DGCR2: variants seen among roughly 807,000 people sequenced by gnomAD.
DGCR2 encodes integral membrane protein DGCR2/IDD.
A neutral mutation model predicts 51.6 loss-of-function variants in DGCR2; 24 were observed. That is an observed-to-expected ratio of 0.47 (90% CI 0.34 to 0.65). The LOEUF (loss-of-function observed/expected upper bound fraction) is 0.65, where lower values mean the gene tolerates loss of function less well. Among genes scored for constraint, DGCR2 ranks in the 30% least tolerant of loss-of-function variants. The pLI is 0.01. For synonymous variants in DGCR2, 340 were observed against 315.4 expected, an observed-to-expected ratio of 1.08 and a Z score of -0.82; for missense variants, 765 against 772.1, an observed-to-expected ratio of 0.99 and a Z score of 0.11.
At chr22:19,116,250 C>T (rs2083372016) in intron 1 of DGCR2, among the ~76,000 whole-genome samples, 2 of 152,232 alleles carry the variant, frequency 1.3e-5, no homozygotes, top group South Asian at 4.1e-4. Flanking sequence ...GCTTCCCCAT[C>T]TCCCAGGAGG....
At position 19,112,734 on chromosome 22, in the gene DGCR2, C is replaced by CCTCAAAACT. The variant is rs1219805994; in HGVS notation, c.79+9393_79+9394insAGTTTTGAG. Among the ~76,000 whole-genome samples, 13 of 144,220 alleles carry CCTCAAAACT rather than the reference C, an allele frequency of 9.0e-5. 3 individuals are homozygous for CCTCAAAACT. Among genetic ancestry groups the CCTCAAAACT allele is most frequent in the African/African-American group, 3.1e-4 (12 of 39,238 alleles). 94.6% of individuals were successfully genotyped at this position (144,220 alleles called of 152,430 possible). ...TTCAGGTGTGAACCACCCGGCCCTG[C>CCTCAAAACT]CTCAACACAGTTTTGAACCTAACTG... On this transcript the variant is annotated intron_variant, in intron 1 of 9. Coordinates refer to ENST00000263196, the MANE Select transcript of DGCR2 (RefSeq NM_005137.3).
intron 9 of DGCR2, among the ~76,000 whole-genome samples, chr22:19,040,613 C>A (rs2082420237): frequency 6.6e-6 from 1 of 152,244 alleles, no homozygotes; most frequent in Non-Finnish European, 1.5e-5. Context: ...CCTCCCACCT[C>A]ACAGAGCTGC....
intron 2 of DGCR2, among the ~76,000 whole-genome samples, chr22:19,084,868 A>T (rs1383079258): frequency 6.8e-6 from 1 of 146,376 alleles, no homozygotes; most frequent in Non-Finnish European, 1.5e-5. Context: ...GCCTCTGCCC[A>T]GCCGCCCCTT....
At chr22:19,054,044 G>A (rs983890205) in intron 6 of DGCR2, among the ~76,000 whole-genome samples, 1 of 152,210 alleles carries the variant, frequency 6.6e-6, no homozygotes, top group Non-Finnish European at 1.5e-5. Context: ...ATGACTAGAT[G>A]CAATGCATGA....
intron 5 of DGCR2, chr22:19,060,627 G>A (rs909463852): frequency 4.3e-6 from 1 of 233,442 alleles, no homozygotes; most frequent in Non-Finnish European, 8.8e-6. Context: ...GTGGGGCGGT[G>A]TGGATGATTC....
intron 2 of DGCR2, among the ~76,000 whole-genome samples, chr22:19,074,418 A>G (rs1286472387): frequency 2.0e-5 from 3 of 151,704 alleles, no homozygotes; most frequent in Admixed American, 6.6e-5. Context: ...AGATGAAAAA[A>G]AAAAAAAAAA....
At chr22:19,113,510 C>A (rs113917303) in intron 1 of DGCR2, among the ~76,000 whole-genome samples, 5,558 of 152,198 alleles carry the variant, frequency 0.037, 305 homozygotes, top group African/African-American at 0.13. Context: ...AACACATCTA[C>A]CACCAAAATC....
chr22:19,093,770 G>A (rs2083106695), intron 1 of DGCR2, among the ~76,000 whole-genome samples: 2 of 152,090 alleles, frequency 1.3e-5, no homozygotes, highest in Non-Finnish European at 2.9e-5. Context: ...GCCAAGGTGG[G>A]AGCAACACTT....
chr22:19,112,274 TA>T (rs374315923), intron 1 of DGCR2, among the ~76,000 whole-genome samples: 44,720 of 134,506 alleles, frequency 0.33, 7,517 homozygotes, highest in African/African-American at 0.47. Flanking sequence ...CTCCATCTTT[TA>T]AAAAAAAAAA....
rs144387206 is a variant in DGCR2 at position 19,049,131 on chromosome 22, T to C, written c.803-488A>G. Among the ~76,000 whole-genome samples, 155 of 152,366 alleles carry C rather than the reference T, an allele frequency of 1.0e-3. 1 individual carries two copies. Among genetic ancestry groups the C allele is most frequent in the African/African-American group, 3.3e-3 (136 of 41,586 alleles). ...ACTCCAGGGTCACTGCAGAAGTGTT[T>C]GCCTGGAAGTTGCTGAAGTAGATTA... On this transcript the variant is annotated intron_variant, in intron 6 of 9. Coordinates refer to ENST00000263196, the MANE Select transcript of DGCR2 (RefSeq NM_005137.3).
intron 5 of DGCR2, chr22:19,060,847 C>G (rs755503627): frequency 2.5e-5 from 13 of 514,840 alleles, no homozygotes; most frequent in Admixed American, 1.8e-4. Context: ...TCCACCAAGG[C>G]GCACAGGAAC....
At chr22:19,090,811 G>GAAA (rs58088390) in intron 1 of DGCR2, among the ~76,000 whole-genome samples, 2 of 147,000 alleles carry the variant, frequency 1.4e-5, no homozygotes, top group African/African-American at 5.0e-5. Context: ...CCAAAAGAAG[G>GAAA]AAAAAAAAAA....
chr22:19,056,176 G>C (rs1252050758), intron 6 of DGCR2, among the ~76,000 whole-genome samples: 2 of 152,030 alleles, frequency 1.3e-5, no homozygotes, highest in Non-Finnish European at 2.9e-5. Context: ...TTAGCCGGGC[G>C]TGGTGGCAGG....
intron 2 of DGCR2, among the ~76,000 whole-genome samples, chr22:19,076,987 G>A (rs2082884951): frequency 1.3e-5 from 2 of 151,824 alleles, no homozygotes; most frequent in Non-Finnish European, 2.9e-5. Context: ...GCCTCCCAAA[G>A]TGCTGTGATT....
intron 1 of DGCR2, among the ~76,000 whole-genome samples, chr22:19,107,375 A>C (rs903127345): frequency 1.3e-5 from 2 of 152,216 alleles, no homozygotes; most frequent in Non-Finnish European, 2.9e-5. Flanking sequence ...ACACTGGGGA[A>C]CACCACACAA....
chr22:19,078,485 T>TA (rs1240860924), intron 2 of DGCR2, among the ~76,000 whole-genome samples: 7 of 152,238 alleles, frequency 4.6e-5, no homozygotes. Flanking sequence ...TTAAGGTTTT[T>TA]ATATATAAAA....
chr22:19,103,739 TA>T (rs34046451), intron 1 of DGCR2, among the ~76,000 whole-genome samples: 3,463 of 78,706 alleles, frequency 0.044, 58 homozygotes, highest in Admixed American at 0.074. Flanking sequence ...AAAAAATTCT[TA>T]AAAAAAAAAA....
At chr22:19,062,575 T>C (rs542246394) in intron 5 of DGCR2, among the ~76,000 whole-genome samples, 1 of 152,040 alleles carries the variant, frequency 6.6e-6, no homozygotes, top group Non-Finnish European at 1.5e-5. Context: ...CAAGGGAGTG[T>C]GACCCTGGCG....
chr22:19,068,218 G>C lies in DGCR2; in HGVS notation c.210C>G (p.Thr70=). ...TCCCATGATGAGGACGCACCTCCCC[G>C]GTCACTTCTGAAAGCAAAAGGAGAT... ...ESDEANCPEV[T]GEVRPHHGKE... is the part of the protein sequence containing the mutation. Residue 70 remains threonine (T), a synonymous_variant, in exon 3 of 10, where the codon ACC becomes ACG. Coordinates refer to ENST00000263196, the MANE Select transcript of DGCR2 (RefSeq NM_005137.3). 1 of 1,597,126 alleles carries C rather than the reference G, an allele frequency of 6.3e-7. No homozygotes were observed.
Sources: allele counts gnomAD v4.1 joint callset (sites outside exome capture counted in the v4.1 genomes callset), GRCh38; gene constraint gnomAD v4.1.1; transcripts MANE v1.5; gene names NCBI Gene and HGNC (gene_info 2026-07-23, HGNC 2026-07-21).